The following MBNL2 variants were observed in gnomAD, a reference collection of about 807,000 sequenced individuals.
MBNL2 encodes muscleblind like splicing regulator 2.
In MBNL2, 17 loss-of-function variants were observed where a neutral mutation model predicts 41.9. The ratio of observed to expected loss-of-function variants is 0.41; its 90% CI spans 0.28 to 0.61. The LOEUF (loss-of-function observed/expected upper bound fraction) is 0.61. Among genes scored for constraint, MBNL2 ranks in the 20% least tolerant of loss-of-function variants. The pLI, the probability that MBNL2 is intolerant of heterozygous loss-of-function variation, is 0.35. For synonymous variants in MBNL2, 195 were observed against 182.9 expected, an observed-to-expected ratio of 1.07 and a Z score of -0.53; for missense variants, 336 against 505.6, an observed-to-expected ratio of 0.66 and a Z score of 3.22.
intron 8 of MBNL2, among the ~76,000 whole-genome samples, chr13:97,378,684 A>G (rs996353577): frequency 5.3e-5 from 8 of 152,308 alleles, no homozygotes; most frequent in Middle Eastern, 3.4e-3. Context: ...TATTTCCAAC[A>G]TACGGGGTGC....
At chr13:97,374,166 G>A (rs530822740) in intron 8 of MBNL2, among the ~76,000 whole-genome samples, 1 of 127,446 alleles carries the variant, frequency 7.8e-6, no homozygotes, top group Admixed American at 9.1e-5. Flanking sequence ...TTATTTTTTT[G>A]AAACGGAGTC....
chr13:97,234,141 C>T (rs887420096), intron 1 of MBNL2, among the ~76,000 whole-genome samples: 3 of 151,400 alleles, frequency 2.0e-5, no homozygotes, highest in Non-Finnish European at 4.4e-5. Flanking sequence ...ATGGCGCATA[C>T]AAGCCATAAC....
intron 8 of MBNL2, among the ~76,000 whole-genome samples, chr13:97,372,880 A>G (rs1566447838): frequency 1.3e-5 from 2 of 152,212 alleles, no homozygotes; most frequent in East Asian, 3.8e-4. Context: ...TAAAACATCT[A>G]TTATTCAATG....
the MBNL2 span, among the ~76,000 whole-genome samples, chr13:97,153,615 G>GA: frequency 6.6e-6 from 1 of 152,008 alleles, no homozygotes; most frequent in African/African-American, 2.4e-5. Flanking sequence ...GACCATTTAG[G>GA]AAAAAACAGA....
At chr13:97,150,418 G>A in the MBNL2 span, among the ~76,000 whole-genome samples, 1 of 152,088 alleles carries the variant, frequency 6.6e-6, no homozygotes, top group Non-Finnish European at 1.5e-5. Flanking sequence ...AAAGCCACAT[G>A]GTCTCTTCAG....
the MBNL2 span, among the ~76,000 whole-genome samples, chr13:97,178,473 T>C: frequency 6.6e-6 from 1 of 152,220 alleles, no homozygotes; most frequent in Non-Finnish European, 1.5e-5. Context: ...AAAAAATTGT[T>C]ATACAACCAT....
At chr13:97,166,106 T>C in the MBNL2 span, among the ~76,000 whole-genome samples, 5 of 152,336 alleles carry the variant, frequency 3.3e-5, no homozygotes, top group African/African-American at 1.2e-4. Flanking sequence ...GTGGAGAGAA[T>C]TGTATGAGTC....
At chr13:97,222,647 T>C in intron 1 of MBNL2, 116 bp downstream of exon 1, 1 of 394,202 alleles carries the variant, frequency 2.5e-6, no homozygotes, top group East Asian at 3.6e-5. Flanking sequence ...TCAATTGTAA[T>C]ACTTGCGGGG....
chr13:97,236,542 T>C (rs966289786), intron 1 of MBNL2, among the ~76,000 whole-genome samples: 1 of 152,088 alleles, frequency 6.6e-6, no homozygotes, highest in East Asian at 1.9e-4. Flanking sequence ...TTAATAAAGT[T>C]TTAAAAATGT....
At chr13:97,254,719 T>G (rs2047198650) in intron 1 of MBNL2, among the ~76,000 whole-genome samples, 1 of 152,158 alleles carries the variant, frequency 6.6e-6, no homozygotes, top group South Asian at 2.1e-4. Flanking sequence ...TACTGTAGTA[T>G]TTTCAGCTAT....
chr13:97,225,451 G>A (rs367892201), intron 1 of MBNL2, among the ~76,000 whole-genome samples: 2 of 152,242 alleles, frequency 1.3e-5, no homozygotes, highest in South Asian at 4.2e-4. Context: ...ATTCTGATTC[G>A]GGAAAAGGTG....
At chr13:97,386,323 G>A (rs1806507) in intron 8 of MBNL2, among the ~76,000 whole-genome samples, 67,720 of 152,140 alleles carry the variant, frequency 0.45, 15,472 homozygotes, top group Middle Eastern at 0.58. Flanking sequence ...GCAGCTCTTA[G>A]CTGAATTTAG....
chr13:97,168,796 G>A, the MBNL2 span, among the ~76,000 whole-genome samples: 14 of 152,282 alleles, frequency 9.2e-5, no homozygotes, highest in Non-Finnish European at 8.8e-5. Context: ...GCCAAGTCAT[G>A]TTTTACAGAA....
intron 1 of MBNL2, among the ~76,000 whole-genome samples, chr13:97,250,172 T>C (rs2046250367): frequency 6.6e-6 from 1 of 152,238 alleles, no homozygotes; most frequent in South Asian, 2.1e-4. Context: ...GTTTTCTGAC[T>C]TCCATATCTG....
intron 2 of MBNL2, among the ~76,000 whole-genome samples, chr13:97,305,722 G>A (rs997992163): frequency 1.6e-4 from 24 of 152,014 alleles, no homozygotes; most frequent in Non-Finnish European, 1.9e-4. Flanking sequence ...TAAGCCGTGC[G>A]CACACCACTG....
chr13:97,289,655 A>T (rs1004955807), intron 2 of MBNL2, among the ~76,000 whole-genome samples: 1 of 152,212 alleles, frequency 6.6e-6, no homozygotes, highest in African/African-American at 2.4e-5. Flanking sequence ...TCATTGAGCC[A>T]CTATTTAGTG....
chr13:97,323,735 A>G (rs760719306), intron 2 of MBNL2, among the ~76,000 whole-genome samples: 1 of 152,220 alleles, frequency 6.6e-6, no homozygotes, highest in East Asian at 1.9e-4. Context: ...GTGGTTGTCA[A>G]TTACTCTGGC....
At chr13:97,146,597 T>C in the MBNL2 span, among the ~76,000 whole-genome samples, 73 of 152,116 alleles carry the variant, frequency 4.8e-4, no homozygotes, top group South Asian at 2.1e-4. Flanking sequence ...GTGGGGATAA[T>C]TGAGACAGAA....
the MBNL2 span, among the ~76,000 whole-genome samples, chr13:97,202,816 C>T: frequency 1.3e-5 from 2 of 152,160 alleles, no homozygotes; most frequent in Non-Finnish European, 2.9e-5. Flanking sequence ...CCTTTTCCTC[C>T]GTTCAGCTGA....
Sources: gnomAD v4.1 joint callset for allele counts (sites outside exome capture counted in the v4.1 genomes callset) on GRCh38, gnomAD v4.1.1 for gene constraint, MANE v1.5 for transcripts, NCBI Gene and HGNC (gene_info 2026-07-23, HGNC 2026-07-21) for gene names.